Variants in GRID2 observed in about 807,000 individuals in gnomAD.
GRID2 encodes the protein glutamate ionotropic receptor delta type subunit 2, also known as glutamate receptor ionotropic, delta-2.
Under a neutral mutation model 114.8 loss-of-function variants are expected in GRID2, and 33 were observed. That is an observed-to-expected ratio of 0.29 (90% CI 0.22 to 0.38). The LOEUF is 0.38. GRID2 is among the 10% of genes least tolerant of loss of function. The pLI is 1.00. For synonymous variants in GRID2, 505 were observed against 449.9 expected, an observed-to-expected ratio of 1.12 and a Z score of -1.55; for missense variants, 1,184 against 1,257.7, an observed-to-expected ratio of 0.94 and a Z score of 0.89.
intron 1 of GRID2, among the ~76,000 whole-genome samples, chr4:92,313,127 GA>G (rs964039440): frequency 6.7e-6 from 1 of 150,236 alleles, no homozygotes; most frequent in African/African-American, 2.5e-5. Context: ...GTGTGTATAT[GA>G]GATGGAATAC....
intron 13 of GRID2, among the ~76,000 whole-genome samples, chr4:93,617,651 C>A (rs1741812963): frequency 6.6e-6 from 1 of 152,038 alleles, no homozygotes; most frequent in South Asian, 2.1e-4. Flanking sequence ...ATTATCTGAA[C>A]TCTCAGAAAA....
chr4:93,285,574 G>T (rs1753069471), intron 8 of GRID2, among the ~76,000 whole-genome samples: 1 of 151,906 alleles, frequency 6.6e-6, no homozygotes, highest in African/African-American at 2.4e-5. Flanking sequence ...AAACATAGAT[G>T]ATTATACACT....
At chr4:92,741,258 G>A (rs1219660955) in intron 2 of GRID2, among the ~76,000 whole-genome samples, 3 of 152,042 alleles carry the variant, frequency 2.0e-5, no homozygotes, top group Non-Finnish European at 2.9e-5. Context: ...TGGATTTAAT[G>A]AACTAGTATT....
intron 14 of GRID2, among the ~76,000 whole-genome samples, chr4:93,726,675 T>C (rs1729934282): frequency 6.6e-6 from 1 of 152,164 alleles, no homozygotes; most frequent in Admixed American, 6.5e-5. Flanking sequence ...CAGTGGTTTG[T>C]AGTTCTCCTT....
At chr4:92,543,565 T>G (rs1023010635) in intron 1 of GRID2, among the ~76,000 whole-genome samples, 2 of 152,156 alleles carry the variant, frequency 1.3e-5, no homozygotes, top group African/African-American at 4.8e-5. Context: ...GCAAGAAGCA[T>G]TTTTATATGT....
chr4:93,605,698 G>T (rs1202092293), intron 13 of GRID2, among the ~76,000 whole-genome samples: 2 of 152,170 alleles, frequency 1.3e-5, no homozygotes, highest in Non-Finnish European at 2.9e-5. Context: ...ATTGGGCCTT[G>T]TGCTAGACAT....
intron 1 of GRID2, among the ~76,000 whole-genome samples, chr4:92,493,298 A>G (rs1020851156): frequency 2.0e-5 from 3 of 152,180 alleles, no homozygotes; most frequent in Admixed American, 1.3e-4. Context: ...TACAAATTCC[A>G]TGAATTCAGA....
intron 14 of GRID2, among the ~76,000 whole-genome samples, chr4:93,722,729 A>G (rs998403144): frequency 3.3e-5 from 5 of 152,202 alleles, no homozygotes; most frequent in Non-Finnish European, 7.3e-5. Flanking sequence ...CTCCACTGTT[A>G]TAACCTAAGG....
chr4:93,543,568 A>T (rs1732869621), intron 13 of GRID2, among the ~76,000 whole-genome samples: 2 of 152,188 alleles, frequency 1.3e-5, no homozygotes, highest in South Asian at 4.1e-4. Context: ...CAGTTAAGCC[A>T]GTTGGCAATA....
At chr4:92,331,115 C>A (rs1055407874) in intron 1 of GRID2, among the ~76,000 whole-genome samples, 2 of 152,178 alleles carry the variant, frequency 1.3e-5, no homozygotes, top group African/African-American at 4.8e-5. Context: ...TTGCAAAACA[C>A]AGATCATGCA....
chr4:92,437,974 G>A (rs1732821293), intron 1 of GRID2, among the ~76,000 whole-genome samples: 1 of 151,452 alleles, frequency 6.6e-6, no homozygotes. Context: ...AAGATTACAT[G>A]CATTTTTTAA....
At chr4:92,926,578 A>G (rs1749824882) in intron 2 of GRID2, among the ~76,000 whole-genome samples, 1 of 152,010 alleles carries the variant, frequency 6.6e-6, no homozygotes, top group South Asian at 2.1e-4. Flanking sequence ...AAAAGAGTCT[A>G]TTGAATGAGT....
intron 13 of GRID2, among the ~76,000 whole-genome samples, chr4:93,522,493 T>C (rs1378446783): frequency 6.6e-6 from 1 of 152,078 alleles, no homozygotes; most frequent in Non-Finnish European, 1.5e-5. Context: ...AAAGAGTATA[T>C]TTCACCAGAA....
At chr4:92,644,501 T>A (rs946339597) in intron 2 of GRID2, among the ~76,000 whole-genome samples, 1 of 151,734 alleles carries the variant, frequency 6.6e-6, no homozygotes, top group African/African-American at 2.4e-5. Context: ...CAGCTTTTGA[T>A]GTTATGGCTA....
chr4:93,345,478 AT>A (rs1164937136), intron 8 of GRID2, among the ~76,000 whole-genome samples: 23 of 151,962 alleles, frequency 1.5e-4, no homozygotes, highest in African/African-American at 5.6e-4. Flanking sequence ...TCATTTGCCC[AT>A]TTTTCAATCA....
chr4:92,952,162 A>G (rs1246042710), intron 2 of GRID2, among the ~76,000 whole-genome samples: 1 of 152,186 alleles, frequency 6.6e-6, no homozygotes, highest in South Asian at 2.1e-4. Context: ...TAGCCCGGTG[A>G]TATTTGAGAG....
intron 13 of GRID2, among the ~76,000 whole-genome samples, chr4:93,603,177 T>C: frequency 6.6e-6 from 1 of 151,738 alleles, no homozygotes; most frequent in Non-Finnish European, 1.5e-5. Context: ...GCCATTGCAC[T>C]CCAGCCTAGG....
intron 1 of GRID2, among the ~76,000 whole-genome samples, chr4:92,426,165 C>A (rs1732147979): frequency 6.6e-6 from 1 of 152,076 alleles, no homozygotes; most frequent in Non-Finnish European, 1.5e-5. Flanking sequence ...GATATTTGAT[C>A]AGTTTCATAT....
Position 92,764,391 on chromosome 4 carries a change from C to G in GRID2, c.244+174105C>G, listed in dbSNP as rs939437877. Among the ~76,000 whole-genome samples, 112 of 152,166 alleles carry G rather than the reference C, an allele frequency of 7.4e-4. 1 individual carries two copies. The highest frequency in any genetic ancestry group is 2.6e-4 in the Non-Finnish European group (18 of 68,030). On this transcript the variant is annotated intron_variant, in intron 2 of 15. Coordinates refer to ENST00000282020, the MANE Select transcript of GRID2 (RefSeq NM_001510.4). ...TCTATTTAAACAACTGAAGCTCAAG[C>G]CCAAGGACTTACAATTGGGTCTTTT...
Sources: gnomAD v4.1 joint callset for allele counts (sites outside exome capture counted in the v4.1 genomes callset) on GRCh38, gnomAD v4.1.1 for gene constraint, MANE v1.5 for transcripts, NCBI Gene and HGNC (gene_info 2026-07-23, HGNC 2026-07-21) for gene names.